CSMD1: variants seen among roughly 807,000 people sequenced by gnomAD.
CSMD1 encodes CUB and Sushi multiple domains 1, also known as CUB and sushi domain-containing protein 1.
CSMD1 carries 213 observed loss-of-function variants against 417.5 expected under a neutral mutation model. The observed-to-expected ratio is 0.51, with a 90% CI of 0.46 to 0.57. The LOEUF is 0.57. CSMD1 is among the 20% of genes least tolerant of loss of function. The pLI is 0.00. For missense variants in CSMD1, 6,923 were observed against 4,529.7 expected, an observed-to-expected ratio of 1.53 and a Z score of -15.17; for synonymous variants, 2,862 against 1,736.8, an observed-to-expected ratio of 1.65 and a Z score of -16.11.
chr8:3,339,493 G>C (rs1056609761), intron 23 of CSMD1, among the ~76,000 whole-genome samples: 2 of 152,150 alleles, frequency 1.3e-5, no homozygotes, highest in East Asian at 1.9e-4. Context: ...ACCCAAAATA[G>C]ATTTATCTCA....
intron 26 of CSMD1, among the ~76,000 whole-genome samples, chr8:3,283,136 G>T (rs1349030449): frequency 6.6e-6 from 1 of 152,110 alleles, no homozygotes; most frequent in Non-Finnish European, 1.5e-5. Flanking sequence ...TAGTAATTCA[G>T]CAGAGGTTCC....
intron 10 of CSMD1, among the ~76,000 whole-genome samples, chr8:3,535,201 G>T (rs937646936): frequency 3.0e-4 from 46 of 152,078 alleles, no homozygotes; most frequent in African/African-American, 1.1e-3. Context: ...TGATCCTTCT[G>T]TTTCAGCCTC....
chr8:3,903,190 T>G (rs1156264472), intron 5 of CSMD1, among the ~76,000 whole-genome samples: 1 of 152,102 alleles, frequency 6.6e-6, no homozygotes, highest in Non-Finnish European at 1.5e-5. Context: ...AGTGTTCTTC[T>G]TACCCTTCAG....
intron 7 of CSMD1, among the ~76,000 whole-genome samples, chr8:3,695,077 G>A (rs1326394324): frequency 1.3e-5 from 1 of 74,454 alleles, no homozygotes; most frequent in Non-Finnish European, 3.0e-5. Flanking sequence ...CAAAAGAATT[G>A]GAGGCCCTGC....
At chr8:3,364,626 C>T (rs112907675) in intron 20 of CSMD1, among the ~76,000 whole-genome samples, 2 of 152,052 alleles carry the variant, frequency 1.3e-5, no homozygotes, top group African/African-American at 4.8e-5. Context: ...AGGGACCCAC[C>T]CTCATTAATG....
intron 1 of CSMD1, among the ~76,000 whole-genome samples, chr8:4,744,345 A>G (rs990920150): frequency 6.6e-6 from 1 of 152,172 alleles, no homozygotes; most frequent in African/African-American, 2.4e-5. Context: ...TGTGCTAGCC[A>G]CAACTTCTTT....
intron 3 of CSMD1, among the ~76,000 whole-genome samples, chr8:4,386,012 C>CTT (rs143575697): frequency 2.0e-5 from 3 of 152,020 alleles, no homozygotes; most frequent in South Asian, 4.2e-4. Context: ...TTAACTTTCC[C>CTT]TTTTTTTATC....
chr8:3,762,506 T>C (rs1455860565), intron 5 of CSMD1, among the ~76,000 whole-genome samples: 1 of 152,168 alleles, frequency 6.6e-6, no homozygotes, highest in Non-Finnish European at 1.5e-5. Flanking sequence ...TAGGCTGAGG[T>C]AGGATGTTTA....
chr8:3,962,264 G>T lies in CSMD1; in HGVS notation c.818+35639C>A, dbSNP rs1045040556. On this transcript the variant is annotated intron_variant, in intron 5 of 69. Coordinates refer to ENST00000635120, the MANE Select transcript of CSMD1 (RefSeq NM_033225.6). ...TCACTCCAGATTTGGTCATGATGAG[G>T]TTCTTCTGTCCTGGAACTGCCCTAC... Among the ~76,000 whole-genome samples the T allele has an allele frequency of 3.9e-5, 6 of 152,126 alleles. No individual in the cohort carries two copies. The East Asian group carries it at 5.8e-4, about 15-fold the overall frequency.
chr8:4,100,426 A>G (rs985301511), intron 3 of CSMD1, among the ~76,000 whole-genome samples: 1 of 152,192 alleles, frequency 6.6e-6, no homozygotes, highest in African/African-American at 2.4e-5. Context: ...TAGCCCGTTC[A>G]AAGCAGAATC....
intron 2 of CSMD1, among the ~76,000 whole-genome samples, chr8:4,540,924 C>G (rs1797351599): frequency 6.6e-6 from 1 of 152,120 alleles, no homozygotes; most frequent in South Asian, 2.1e-4. Flanking sequence ...AGGCTGTAGA[C>G]TAAACTGAAC....
intron 49 of CSMD1, among the ~76,000 whole-genome samples, chr8:3,066,412 C>A (rs1342046893): frequency 6.6e-6 from 1 of 152,194 alleles, no homozygotes; most frequent in African/African-American, 2.4e-5. Context: ...TGAGAACTCC[C>A]TTCTTGCTGA....
chr8:3,933,513 C>T (rs959414370), intron 5 of CSMD1, among the ~76,000 whole-genome samples: 1 of 152,064 alleles, frequency 6.6e-6, no homozygotes, highest in Admixed American at 6.6e-5. Flanking sequence ...CAGAGAAGAC[C>T]ACAGTCTGCA....
intron 18 of CSMD1, chr8:3,373,576 T>C (rs1370642956): frequency 1.3e-5 from 2 of 152,208 alleles, no homozygotes; most frequent in Non-Finnish European, 2.9e-5. Context: ...TGAAATGAAA[T>C]ACCTGAATTA....
At chr8:4,485,541 T>C (rs1225998100) in intron 2 of CSMD1, among the ~76,000 whole-genome samples, 3 of 152,152 alleles carry the variant, frequency 2.0e-5, no homozygotes, top group Admixed American at 6.6e-5. Flanking sequence ...GGAATGGCAA[T>C]ATTCTTATAA....
intron 10 of CSMD1, among the ~76,000 whole-genome samples, chr8:3,556,388 A>ACTTT (rs1218343194): frequency 2.1e-5 from 1 of 47,154 alleles, no homozygotes; most frequent in Non-Finnish European, 4.6e-5. Flanking sequence ...AATTTATAAT[A>ACTTT]ATTAATATAT....
At chr8:4,720,546 T>A (rs756733189) in intron 1 of CSMD1, among the ~76,000 whole-genome samples, 3 of 152,138 alleles carry the variant, frequency 2.0e-5, no homozygotes, top group Non-Finnish European at 2.9e-5. Context: ...GCCCCCTGAA[T>A]AGCTGAGATT....
chr8:3,185,340 A>G (rs892455114), intron 36 of CSMD1, among the ~76,000 whole-genome samples: 2 of 152,212 alleles, frequency 1.3e-5, no homozygotes, highest in African/African-American at 4.8e-5. Context: ...TTTCATGCAT[A>G]CAGAGGCAAT....
At chr8:4,252,778 G>A (rs57149374) in intron 3 of CSMD1, among the ~76,000 whole-genome samples, 13,728 of 152,204 alleles carry the variant, frequency 0.09, 885 homozygotes, top group East Asian at 0.33. Context: ...ATACACCACT[G>A]ACATTTATGC....
Sources: allele counts gnomAD v4.1 joint callset (sites outside exome capture counted in the v4.1 genomes callset), GRCh38; gene constraint gnomAD v4.1.1; transcripts MANE v1.5; gene names NCBI Gene and HGNC (gene_info 2026-07-23, HGNC 2026-07-21).